Variants in RBMS3 observed in about 807,000 individuals in gnomAD.
The protein encoded by RBMS3 is RNA-binding motif, single-stranded-interacting protein 3.
In RBMS3, 27 loss-of-function variants were observed where a neutral mutation model predicts 66.8. The ratio of observed to expected loss-of-function variants is 0.40; its 90% CI spans 0.30 to 0.56. The LOEUF (loss-of-function observed/expected upper bound fraction) is 0.56, where lower values mean the gene tolerates loss of function less well. Among genes scored for constraint, RBMS3 ranks in the 20% least tolerant of loss-of-function variants. RBMS3 has a pLI of 0.40. For missense variants in RBMS3, 513 were observed against 549.5 expected, an observed-to-expected ratio of 0.93 and a Z score of 0.66; for synonymous variants, 188 against 183.0, an observed-to-expected ratio of 1.03 and a Z score of -0.22.
chr3:29,605,198 A>C (rs1203401156), intron 4 of RBMS3, among the ~76,000 whole-genome samples: 2 of 151,842 alleles, frequency 1.3e-5, no homozygotes, highest in Admixed American at 6.6e-5. Context: ...GATTAAAGGA[A>C]GCCACTGTGC....
chr3:29,638,433 C>A (rs1194475847), intron 4 of RBMS3, among the ~76,000 whole-genome samples: 1 of 151,708 alleles, frequency 6.6e-6, no homozygotes, highest in African/African-American at 2.4e-5. Flanking sequence ...TCTTAATATT[C>A]TGATATTATT....
chr3:29,957,699 C>T (rs1353261498), intron 12 of RBMS3, among the ~76,000 whole-genome samples: 1 of 152,098 alleles, frequency 6.6e-6, no homozygotes, highest in Non-Finnish European at 1.5e-5. Flanking sequence ...TTCTTATTTT[C>T]CCTAGATAGC....
At chr3:29,612,142 C>T (rs2048514324) in intron 4 of RBMS3, among the ~76,000 whole-genome samples, 1 of 151,828 alleles carries the variant, frequency 6.6e-6, no homozygotes, top group Admixed American at 6.6e-5. Context: ...AAGTATTCGA[C>T]CAAAGTTAAC....
chr3:29,616,094 T>C (rs1259437447), intron 4 of RBMS3: 1 of 152,204 alleles, frequency 6.6e-6, no homozygotes, highest in East Asian at 1.9e-4. Flanking sequence ...AGGAGAAAAG[T>C]ACAGAAAATT....
chr3:29,971,538 A>C (rs918107851), intron 12 of RBMS3, among the ~76,000 whole-genome samples: 23 of 152,170 alleles, frequency 1.5e-4, no homozygotes, highest in Non-Finnish European at 1.5e-5. Context: ...ATTTAAAAAA[A>C]GAAGCCTGCT....
At chr3:29,713,125 TA>T (rs1421775274) in intron 4 of RBMS3, among the ~76,000 whole-genome samples, 2 of 151,898 alleles carry the variant, frequency 1.3e-5, no homozygotes, top group African/African-American at 2.4e-5. Context: ...TTATATTATA[TA>T]TAATATACCA....
chr3:29,754,755 A>G (rs1160831013), intron 5 of RBMS3, among the ~76,000 whole-genome samples: 1 of 152,222 alleles, frequency 6.6e-6, no homozygotes, highest in Non-Finnish European at 1.5e-5. Context: ...TTTAAAGGAA[A>G]AAAGAAGAGA....
chr3:29,863,868 T>C lies in RBMS3; in HGVS notation c.638-4990T>C, dbSNP rs142728452. On this transcript the variant is annotated intron_variant, in intron 6 of 14. Coordinates refer to ENST00000383767, the MANE Select transcript of RBMS3 (RefSeq NM_001003793.3). ...TTGTTTAAGGGATACCTCTGCTAAA[T>C]GTTTTTATGCCAGTCGGTAGAAGAA... Among the ~76,000 whole-genome samples, 975 of 152,334 alleles carry C rather than the reference T, an allele frequency of 6.4e-3. 3 individuals carry two copies. Among genetic ancestry groups the C allele is most frequent in the Admixed American group, 0.013 (192 of 15,296 alleles).
rs542721057 is a variant in RBMS3 at position 29,992,730 on chromosome 3, G to GA, written c.1307+1523dup. Among the ~76,000 whole-genome samples, 257 of 152,254 alleles carry GA rather than the reference G, an allele frequency of 1.7e-3. 1 individual carries two copies. Among genetic ancestry groups the GA allele is most frequent in the African/African-American group, 5.9e-3 (245 of 41,562 alleles). On this transcript the variant is annotated intron_variant, in intron 14 of 14. Transcript: ENST00000383767. Reference sequence around the variant, plus strand: ...CCGAGTGAGGGGGTCAGTGAGTGGGGAATTACTGCTAACCTAAATTGACAG... The same window carrying GA: ...CCGAGTGAGGGGGTCAGTGAGTGGGGAAATTACTGCTAACCTAAATTGACAG...
intron 4 of RBMS3, among the ~76,000 whole-genome samples, chr3:29,648,354 C>T (rs963358038): frequency 2.2e-4 from 31 of 142,606 alleles, no homozygotes; most frequent in Admixed American, 1.5e-4. Flanking sequence ...TCACTGCAGA[C>T]TCTCTGTCCC....
intron 3 of RBMS3, among the ~76,000 whole-genome samples, chr3:29,553,880 A>G (rs1366482735): frequency 6.6e-6 from 1 of 150,432 alleles, no homozygotes; most frequent in Admixed American, 6.6e-5. Context: ...TGTGAATTTT[A>G]ATGTTTTAGC....
At chr3:29,870,880 G>C (rs1459329525) in intron 7 of RBMS3, among the ~76,000 whole-genome samples, 2 of 152,090 alleles carry the variant, frequency 1.3e-5, no homozygotes, top group East Asian at 1.9e-4. Flanking sequence ...ATTAGGCAGA[G>C]AGATAGCATG....
intron 3 of RBMS3, among the ~76,000 whole-genome samples, chr3:29,525,203 C>A (rs2045046444): frequency 6.6e-6 from 1 of 152,108 alleles, no homozygotes; most frequent in Non-Finnish European, 1.5e-5. Context: ...TCATGCCCCT[C>A]TCTTGTATTC....
At chr3:29,544,699 A>ATG (rs138879910) in intron 3 of RBMS3, among the ~76,000 whole-genome samples, 51,791 of 150,682 alleles carry the variant, frequency 0.34, 9,374 homozygotes, top group Middle Eastern at 0.48. Flanking sequence ...TGAAATGTAA[A>ATG]TGTGTGTGTG....
chr3:29,390,833 C>T, intron 1 of RBMS3: 1 of 156,070 alleles, frequency 6.4e-6, no homozygotes, highest in Non-Finnish European at 1.4e-5. Context: ...TGGGATTCAC[C>T]CGTAACTCAC....
chr3:29,633,131 A>G (rs2049346020), intron 4 of RBMS3, among the ~76,000 whole-genome samples: 1 of 151,740 alleles, frequency 6.6e-6, no homozygotes, highest in Non-Finnish European at 1.5e-5. Context: ...AACTGCCTTT[A>G]TCTCCATATA....
At chr3:29,745,788 C>A (rs12495435) in intron 5 of RBMS3, among the ~76,000 whole-genome samples, 2 of 151,970 alleles carry the variant, frequency 1.3e-5, no homozygotes, top group East Asian at 1.9e-4. Context: ...TCTCATGGAG[C>A]TTTGTTTGAA....
intron 3 of RBMS3, among the ~76,000 whole-genome samples, chr3:29,573,497 A>G (rs1264112459): frequency 6.6e-6 from 1 of 151,792 alleles, no homozygotes; most frequent in Non-Finnish European, 1.5e-5. Context: ...AAGTTTGCCA[A>G]TTTTGTTTAT....
intron 6 of RBMS3, among the ~76,000 whole-genome samples, chr3:29,866,919 GCT>G (rs2059377474): frequency 1.3e-5 from 2 of 152,194 alleles, no homozygotes; most frequent in Non-Finnish European, 2.9e-5. Context: ...TTTATTGAAT[GCT>G]CTCTCTATAC....
Sources: gnomAD v4.1 joint callset for allele counts (sites outside exome capture counted in the v4.1 genomes callset) on GRCh38, gnomAD v4.1.1 for gene constraint, MANE v1.5 for transcripts, NCBI Gene and HGNC (gene_info 2026-07-23, HGNC 2026-07-21) for gene names.